Variants in BICC1 observed in about 807,000 individuals in gnomAD.
BICC1 encodes protein bicaudal C homolog 1.
Under a neutral mutation model 111.0 loss-of-function variants are expected in BICC1, and 43 were observed. The ratio of observed to expected loss-of-function variants is 0.39; its 90% CI spans 0.30 to 0.50. BICC1 has a LOEUF of 0.50. Among genes scored for constraint, BICC1 ranks in the 20% least tolerant of loss-of-function variants. The pLI, the probability that BICC1 is intolerant of heterozygous loss-of-function variation, is 0.88. For synonymous variants in BICC1, 467 were observed against 434.4 expected (o/e 1.07, Z -0.93); for missense variants, 1,091 against 1,203.2 (o/e 0.91, Z 1.38).
intron 2 of BICC1, among the ~76,000 whole-genome samples, chr10:58,652,635 G>A (rs2132255763): frequency 6.6e-6 from 1 of 152,068 alleles, no homozygotes; most frequent in Non-Finnish European, 1.5e-5. Context: ...ATAATGTCTT[G>A]TTGCCTTACC....
At chr10:58,565,584 C>T (rs1843730322) in intron 1 of BICC1, among the ~76,000 whole-genome samples, 1 of 152,104 alleles carries the variant, frequency 6.6e-6, no homozygotes, top group African/African-American at 2.4e-5. Context: ...GCGGACAGTA[C>T]TAAATATAAT....
At chr10:58,690,589 T>G (rs1468547782) in intron 2 of BICC1, among the ~76,000 whole-genome samples, 1 of 152,210 alleles carries the variant, frequency 6.6e-6, no homozygotes, top group East Asian at 1.9e-4. Context: ...CTTTCAATAT[T>G]TACTCTTTGT....
At chr10:58,815,947 T>C (rs1844073580) in intron 18 of BICC1, among the ~76,000 whole-genome samples, 1 of 152,156 alleles carries the variant, frequency 6.6e-6, no homozygotes, top group South Asian at 2.1e-4. Flanking sequence ...ACTAGGCTCA[T>C]TTCAGGTGCT....
chr10:58,718,206 G>A (rs1175807984), intron 3 of BICC1, among the ~76,000 whole-genome samples: 1 of 152,166 alleles, frequency 6.6e-6, no homozygotes, highest in Non-Finnish European at 1.5e-5. Flanking sequence ...TCTGGAGACT[G>A]GGAAGTGCAA....
Position 58,759,093 on chromosome 10 carries a change from G to T in BICC1, c.308-25908G>T, listed in dbSNP as rs1273523579. Among the ~76,000 whole-genome samples the T allele has an allele frequency of 2.0e-5, 3 of 151,890 alleles. 1 individual carries two copies. Among genetic ancestry groups the T allele is most frequent in the Non-Finnish European group, 4.4e-5 (3 of 67,964 alleles). ...TTCTGCCTCAGCCTCCTGAGTAGCTGGGATTACAGGTGTGTGCCACCACAC... is the reference window on the plus strand; with the variant it reads ...TTCTGCCTCAGCCTCCTGAGTAGCTTGGATTACAGGTGTGTGCCACCACAC... On this transcript the variant is annotated intron_variant, in intron 3 of 20. Coordinates refer to ENST00000373886, the MANE Select transcript of BICC1 (RefSeq NM_001080512.3).
intron 9 of BICC1, among the ~76,000 whole-genome samples, chr10:58,794,956 C>T (rs545558557): frequency 3.3e-5 from 5 of 152,158 alleles, no homozygotes; most frequent in East Asian, 1.9e-4. Flanking sequence ...TATATTGCAT[C>T]GTAGTATGTA....
At position 58,798,397 on chromosome 10, in the gene BICC1, A is replaced by T; in HGVS notation, c.1367-2A>T. 1 of 1,557,120 alleles carries T rather than the reference A, an allele frequency of 6.4e-7. No individual in the cohort carries two copies. Among genetic ancestry groups the T allele is most frequent in the Non-Finnish European group, 8.6e-7 (1 of 1,157,482 alleles). The stretch of plus-strand genomic sequence containing the variant: ...TTGACTTTATATATTCATTTATTAC[A>T]GGTCTTTTGGGACCCACCACCTTAT... On this transcript the variant is annotated splice_acceptor_variant, in intron 10 of 20. Coordinates refer to ENST00000373886, the MANE Select transcript of BICC1 (RefSeq NM_001080512.3). LOFTEE classifies it high-confidence loss of function.
intron 2 of BICC1, among the ~76,000 whole-genome samples, chr10:58,652,524 CTTCTT>C (rs1380870917): frequency 6.6e-6 from 1 of 152,062 alleles, no homozygotes; most frequent in East Asian, 1.9e-4. Context: ...TCATAGTTCT[CTTCTT>C]GGTAAGTTTT....
intron 2 of BICC1, among the ~76,000 whole-genome samples, chr10:58,643,040 G>C (rs1838169719): frequency 6.6e-6 from 1 of 152,124 alleles, no homozygotes; most frequent in South Asian, 2.1e-4. Context: ...ATGTCTGCAA[G>C]GTGTTATTTA....
At chr10:58,639,802 T>A (rs1056501226) in intron 2 of BICC1, among the ~76,000 whole-genome samples, 5 of 136,974 alleles carry the variant, frequency 3.7e-5, no homozygotes, top group Non-Finnish European at 6.1e-5. Context: ...AGCCTCAACC[T>A]CCCAGGCTCA....
intron 20 of BICC1, among the ~76,000 whole-genome samples, chr10:58,825,991 T>A (rs900831883): frequency 4.8e-5 from 7 of 145,152 alleles, no homozygotes; most frequent in African/African-American, 1.8e-4. Context: ...AACTATTGTT[T>A]AAAAAAAAAA....
At chr10:58,669,258 G>T (rs1316851317) in intron 2 of BICC1, among the ~76,000 whole-genome samples, 1 of 151,872 alleles carries the variant, frequency 6.6e-6, no homozygotes, top group Admixed American at 6.6e-5. Context: ...CGCACAAAAA[G>T]TTTTGGGTTC....
At chr10:58,755,957 TTCTATG>T (rs1315682601) in intron 3 of BICC1, among the ~76,000 whole-genome samples, 2 of 152,174 alleles carry the variant, frequency 1.3e-5, no homozygotes, top group Non-Finnish European at 2.9e-5. Flanking sequence ...CTCCTGCGTG[TTCTATG>T]TCTGTTTTCA....
At chr10:58,568,054 C>T (rs1310851188) in intron 1 of BICC1, among the ~76,000 whole-genome samples, 2 of 152,144 alleles carry the variant, frequency 1.3e-5, no homozygotes, top group Non-Finnish European at 2.9e-5. Flanking sequence ...TGGCATTCTA[C>T]TCCCAACAAC....
chr10:58,753,951 C>T (rs1233433746), intron 3 of BICC1, among the ~76,000 whole-genome samples: 1 of 152,104 alleles, frequency 6.6e-6, no homozygotes, highest in East Asian at 1.9e-4. Flanking sequence ...GATATCTCTG[C>T]ATACTCACCA....
At chr10:58,595,919 C>A (rs1421236710) in intron 1 of BICC1, among the ~76,000 whole-genome samples, 1 of 152,066 alleles carries the variant, frequency 6.6e-6, no homozygotes, top group African/African-American at 2.4e-5. Flanking sequence ...ATCAGTGAAT[C>A]CAGGAGCTGA....
At chr10:58,708,497 A>G (rs1840469783) in intron 3 of BICC1, among the ~76,000 whole-genome samples, 1 of 152,228 alleles carries the variant, frequency 6.6e-6, no homozygotes, top group Non-Finnish European at 1.5e-5. Context: ...CAAAAGAAAG[A>G]GAAAGGAGAA....
chr10:58,617,345 T>C (rs903208930), intron 1 of BICC1, among the ~76,000 whole-genome samples: 2 of 151,970 alleles, frequency 1.3e-5, no homozygotes, highest in South Asian at 2.1e-4. Flanking sequence ...CAGAGTACAC[T>C]GAATACAAGT....
intron 1 of BICC1, among the ~76,000 whole-genome samples, chr10:58,548,256 A>G (rs1293784297): frequency 6.6e-6 from 1 of 152,124 alleles, no homozygotes; most frequent in African/African-American, 2.4e-5. Flanking sequence ...GCATTGTTCA[A>G]CTCCAGTATA....
Sources: allele counts gnomAD v4.1 joint callset (sites outside exome capture counted in the v4.1 genomes callset), GRCh38; gene constraint gnomAD v4.1.1; transcripts MANE v1.5; gene names NCBI Gene and HGNC (gene_info 2026-07-23, HGNC 2026-07-21).